Variants in SCAMP1 observed in about 807,000 individuals in gnomAD.
SCAMP1 encodes the protein secretory carrier membrane protein 1, also known as secretory carrier-associated membrane protein 1.
A neutral mutation model predicts 41.8 loss-of-function variants in SCAMP1; 15 were observed. The observed-to-expected ratio is 0.36, with a 90% CI of 0.24 to 0.55. SCAMP1 has a LOEUF of 0.55. SCAMP1 is among the 20% of genes least tolerant of loss of function. The pLI is 0.86. For synonymous variants in SCAMP1, 135 were observed against 136.8 expected, an observed-to-expected ratio of 0.99 and a Z score of 0.09; for missense variants, 341 against 412.6, an observed-to-expected ratio of 0.83 and a Z score of 1.50.
chr5:78,362,986 G>A (rs1392129035), intron 1 of SCAMP1, among the ~76,000 whole-genome samples: 2 of 148,382 alleles, frequency 1.3e-5, no homozygotes, highest in Admixed American at 6.9e-5. Flanking sequence ...TCTGCCTCCC[G>A]TGTTCAAGTG....
chr5:78,376,046 A>T (rs4590164), intron 1 of SCAMP1, among the ~76,000 whole-genome samples: 2 of 151,952 alleles, frequency 1.3e-5, no homozygotes, highest in African/African-American at 4.8e-5. Context: ...CTGTTCATAC[A>T]CCCCCTCCCC....
intron 7 of SCAMP1, among the ~76,000 whole-genome samples, chr5:78,451,748 C>T (rs1753236542): frequency 2.0e-5 from 3 of 152,138 alleles, no homozygotes; most frequent in Non-Finnish European, 2.9e-5. Context: ...TCCACCTCCT[C>T]GGTTCAAGTG....
In SCAMP1 at chr5:78,415,575, T is replaced by G; in HGVS notation, c.191T>G (p.Met64Arg). 6.2e-7 allele frequency: 1 copy of G among 1,607,896 alleles called. No homozygotes were observed. The highest frequency in any genetic ancestry group is 8.5e-7 in the Non-Finnish European group (1 of 1,177,020). ...GTACCCAATACACAACCAGCAATAA[T>G]GAAACCAACAGAGGAACATCCAGCT... Reference protein sequence around the residue: ...PNVPNTQPAIMKPTEEHPAYT... With the variant: ...PNVPNTQPAIRKPTEEHPAYT... Residue 64 changes from methionine (M) to arginine (R), a missense_variant, in exon 3 of 9, where the codon ATG becomes AGG. Coordinates refer to ENST00000621999, the MANE Select transcript of SCAMP1 (RefSeq NM_004866.6).
intron 2 of SCAMP1, among the ~76,000 whole-genome samples, chr5:78,406,841 C>T (rs762078408): frequency 1.3e-5 from 2 of 152,156 alleles, no homozygotes; most frequent in Non-Finnish European, 2.9e-5. Context: ...TACAGCCTTG[C>T]TCTGCCAGAC....
chr5:78,379,886 T>G (rs1467806151), intron 1 of SCAMP1, among the ~76,000 whole-genome samples: 1 of 152,212 alleles, frequency 6.6e-6, no homozygotes, highest in Non-Finnish European at 1.5e-5. Context: ...TCTTTTTGAG[T>G]TAATTTTGTT....
At chr5:78,393,719 G>A (rs992028291) in intron 2 of SCAMP1, among the ~76,000 whole-genome samples, 3 of 152,142 alleles carry the variant, frequency 2.0e-5, no homozygotes, top group Admixed American at 1.3e-4. Context: ...GTGCATGGTA[G>A]GTAGGTTTTC....
chr5:78,416,640 A>G lies in SCAMP1; in HGVS notation c.334A>G (p.Ser112Gly). The change falls in exon 4 of 9, where the codon AGT becomes GGT. Residue 112 changes from serine (S) to glycine (G), a missense_variant. Physicochemically the swap from Ser to Gly is moderately conservative, Grantham distance 56. Coordinates refer to ENST00000621999, the MANE Select transcript of SCAMP1 (RefSeq NM_004866.6). ...TCGGGAACGAGAAATGCAAAACCTC[A>G]GTCAACATGGTAGTATCCAAAGAAA... ...DRREREMQNL[S>G]QHGRKNNWPP... 6.3e-7 allele frequency: 1 copy of G among 1,583,808 alleles called. No individual in the cohort carries two copies. Among genetic ancestry groups the G allele is most frequent in the Non-Finnish European group, 8.6e-7 (1 of 1,164,268 alleles).
intron 6 of SCAMP1, among the ~76,000 whole-genome samples, chr5:78,443,882 C>T (rs1752990160): frequency 6.6e-6 from 1 of 151,918 alleles, no homozygotes; most frequent in South Asian, 2.1e-4. Context: ...GTCTTGAACT[C>T]CTGAGCTCAA....
chr5:78,445,610 A>G (rs1324803876), intron 6 of SCAMP1, among the ~76,000 whole-genome samples: 3 of 152,006 alleles, frequency 2.0e-5, no homozygotes, highest in South Asian at 2.1e-4. Flanking sequence ...CTGAATGCCA[A>G]TAGAAGTTCT....
intron 6 of SCAMP1, among the ~76,000 whole-genome samples, chr5:78,430,217 A>ATTTATAAATACT (rs1752580341): frequency 1.9e-5 from 1 of 52,024 alleles, no homozygotes; most frequent in Admixed American, 1.7e-4. Flanking sequence ...TTATAAATAC[A>ATTTATAAATACT]GTATTTATTT....
chr5:78,360,855 C>CCGCCGTCCTCCATTTGGGGT, intron 1 of SCAMP1, 127 bp downstream of exon 1: 1 of 898,080 alleles, frequency 1.1e-6, no homozygotes, highest in Non-Finnish European at 1.7e-6. Flanking sequence ...GGGCGCGGGG[C>CCGCCGTCCTCCATTTGGGGT]CGCCGTCCTC....
intron 6 of SCAMP1, among the ~76,000 whole-genome samples, chr5:78,435,232 G>T (rs1752718684): frequency 6.6e-6 from 1 of 151,946 alleles, no homozygotes. Flanking sequence ...CAATATGAAG[G>T]TTTTTTTTAA....
intron 2 of SCAMP1, among the ~76,000 whole-genome samples, chr5:78,395,295 T>C (rs1234314244): frequency 6.6e-6 from 1 of 152,220 alleles, no homozygotes; most frequent in Admixed American, 6.5e-5. Flanking sequence ...CTAGCCAAAG[T>C]CTAATTAACT....
At chr5:78,376,801 G>C (rs1751075950) in intron 1 of SCAMP1, among the ~76,000 whole-genome samples, 1 of 152,140 alleles carries the variant, frequency 6.6e-6, no homozygotes, top group African/African-American at 2.4e-5. Flanking sequence ...CTGGCAGATT[G>C]ATCTCTGGGG....
At chr5:78,437,738 T>G (rs1752797408) in intron 6 of SCAMP1, among the ~76,000 whole-genome samples, 1 of 152,208 alleles carries the variant, frequency 6.6e-6, no homozygotes, top group Non-Finnish European at 1.5e-5. Context: ...TAAAATGAGT[T>G]AGGGAGGATT....
intron 5 of SCAMP1, among the ~76,000 whole-genome samples, chr5:78,421,067 G>A (rs543310386): frequency 1.3e-5 from 2 of 152,264 alleles, no homozygotes; most frequent in East Asian, 3.9e-4. Flanking sequence ...TAGTTCTTTA[G>A]GATCATGGTA....
chr5:78,418,881 G>T lies in SCAMP1; in HGVS notation c.450G>T (p.Lys150Asn). 1 of 1,574,244 alleles carries T rather than the reference G, an allele frequency of 6.4e-7. No individual in the cohort carries two copies. Among genetic ancestry groups the T allele is most frequent in the Non-Finnish European group, 8.6e-7 (1 of 1,160,770 alleles). Residue 150 changes from lysine (K) to asparagine (N), a missense_variant, in exon 5 of 9, where the codon AAG (lysine) becomes AAT (asparagine). Physicochemically the swap from Lys to Asn is moderately conservative, Grantham distance 94. Coordinates refer to ENST00000621999, the MANE Select transcript of SCAMP1 (RefSeq NM_004866.6). The stretch of plus-strand genomic sequence containing the variant: ...CTGTAGAATTCCAAAAGACAGTAAA[G>T]CTTATGTACTACTTGTGGATGTGTG... The part of the protein sequence containing the change: ...DIPVEFQKTV[K>N]LMYYLWMFHA...
intron 6 of SCAMP1, among the ~76,000 whole-genome samples, chr5:78,426,597 C>G (rs563243384): frequency 6.6e-6 from 1 of 152,182 alleles, no homozygotes; most frequent in South Asian, 2.1e-4. Context: ...AGTGTCTGTT[C>G]ATATCTTTTG....
intron 2 of SCAMP1, among the ~76,000 whole-genome samples, chr5:78,397,940 A>G (rs969423850): frequency 5.9e-5 from 9 of 152,264 alleles, no homozygotes; most frequent in African/African-American, 2.2e-4. Context: ...TCAAAGAGTC[A>G]GGCAATAGCG....
Sources: allele counts gnomAD v4.1 joint callset (sites outside exome capture counted in the v4.1 genomes callset), GRCh38; gene constraint gnomAD v4.1.1; transcripts MANE v1.5; gene names NCBI Gene and HGNC (gene_info 2026-07-23, HGNC 2026-07-21).